Variants in RGP1 observed in about 807,000 individuals in gnomAD.
RGP1 encodes RGP1 partner of RAB6A GEF complex, also known as RAB6A-GEF complex partner protein 2.
A neutral mutation model predicts 44.5 loss-of-function variants in RGP1; 28 were observed. The observed-to-expected ratio is 0.63, with a 90% CI of 0.47 to 0.86. The LOEUF (loss-of-function observed/expected upper bound fraction) is 0.86. Ranked by LOEUF, RGP1 falls within the 40% of genes least tolerant of loss-of-function variation. The pLI is 0.00. For synonymous variants in RGP1, 212 were observed against 196.7 expected, an observed-to-expected ratio of 1.08 and a Z score of -0.65; for missense variants, 417 against 490.7, an observed-to-expected ratio of 0.85 and a Z score of 1.42.
the RGP1 span, among the ~76,000 whole-genome samples, chr9:35,767,889 G>A: frequency 2.6e-5 from 4 of 151,938 alleles, no homozygotes; most frequent in African/African-American, 9.7e-5. Context: ...TGCAGCCTCC[G>A]CCTCCCAGGT....
Position 35,749,747 on chromosome 9 carries a change from G to A in RGP1, c.-9G>A, listed in dbSNP as rs781283087. ...CTTGTTTCCTTCTAGATCTGATTCC[G>A]GAGCTGCCATGATTGAAGTGGTAGC... On this transcript the variant is annotated 5_prime_UTR_variant, in exon 2 of 9. Coordinates refer to ENST00000378078, the MANE Select transcript of RGP1 (RefSeq NM_001080496.3). The surrounding 1 kb of genome is among the most constrained non-coding windows in gnomAD (Gnocchi z 4.4). 3 of 1,598,150 alleles carry A rather than the reference G, an allele frequency of 1.9e-6. No individual in the cohort carries two copies. Among genetic ancestry groups the A allele is most frequent in the Admixed American group, 3.4e-5 (2 of 59,630 alleles).
intron 6 of RGP1, 51 bp from the exon 7 acceptor site, chr9:35,751,576 G>T: frequency 6.2e-7 from 1 of 1,612,784 alleles, no homozygotes; most frequent in Non-Finnish European, 8.5e-7. Context: ...CCCAGTCCTA[G>T]ACGTTATCCA....
At chr9:35,763,355 G>A (rs1489957564), downstream of RGP1, among the ~76,000 whole-genome samples, 1 of 152,086 alleles carries the variant, frequency 6.6e-6, no homozygotes, top group African/African-American at 2.4e-5. Flanking sequence ...AGTAATTAAT[G>A]GGCTATATAA....
chr9:35,778,323 A>T, the RGP1 span, among the ~76,000 whole-genome samples: 16 of 152,098 alleles, frequency 1.1e-4, 1 homozygote, highest in Non-Finnish European at 1.0e-4. Context: ...ATACAAAATG[A>T]TAGATAATGA....
chr9:35,771,037 T>C, the RGP1 span, among the ~76,000 whole-genome samples: 2 of 152,212 alleles, frequency 1.3e-5, no homozygotes, highest in African/African-American at 2.4e-5. Flanking sequence ...TTGTTGCCCT[T>C]TTATCATTTC....
At chr9:35,771,107 C>G in the RGP1 span, among the ~76,000 whole-genome samples, 1 of 152,142 alleles carries the variant, frequency 6.6e-6, no homozygotes, top group Non-Finnish European at 1.5e-5. Context: ...CTCTGATTCT[C>G]TAGCCCAGTT....
chr9:35,752,952 C>T lies in RGP1; in HGVS notation c.*78C>T. 6.5e-7 allele frequency: 1 copy of T among 1,540,086 alleles called. No homozygotes were observed. Among genetic ancestry groups the T allele is most frequent in the Non-Finnish European group, 8.9e-7 (1 of 1,128,394 alleles). On this transcript the variant is annotated 3_prime_UTR_variant, in exon 9 of 9. Coordinates refer to ENST00000378078, the MANE Select transcript of RGP1 (RefSeq NM_001080496.3). ...GGACTCTAATGGGACCCACTTTTTC[C>T]ACCTGGGGTCCAATGTCGTGGACAG...
chr9:35,772,668 G>C, the RGP1 span, among the ~76,000 whole-genome samples: 1 of 151,996 alleles, frequency 6.6e-6, no homozygotes, highest in African/African-American at 2.4e-5. Flanking sequence ...GCGGGCGCCT[G>C]TAGTTCCAGC....
chr9:35,781,039 C>T, the RGP1 span, among the ~76,000 whole-genome samples: 1 of 152,048 alleles, frequency 6.6e-6, no homozygotes, highest in African/African-American at 2.4e-5. Flanking sequence ...TCATGGAATA[C>T]ACAATCTAAT....
the RGP1 span, among the ~76,000 whole-genome samples, chr9:35,772,707 C>T: frequency 4.7e-5 from 7 of 150,314 alleles, no homozygotes; most frequent in African/African-American, 1.5e-4. Context: ...AGGAGAATGG[C>T]GTGAACCTGG....
chr9:35,750,940 C>T lies in RGP1; in HGVS notation c.438C>T (p.Asn146=), dbSNP rs1337601962. The T allele has an allele frequency of 6.2e-7, 1 of 1,614,032 alleles. No individual in the cohort carries two copies. Among genetic ancestry groups the T allele is most frequent in the South Asian group, 1.1e-5 (1 of 91,086 alleles). ...TGACCATTGGCTGCCAGCGTGTCAA[C>T]TCCCCTATCACTTTACTCAGAGTCC... ...YKLTIGCQRV[N]SPITLLRVPL... is the part of the protein sequence containing the mutation. Residue 146 remains asparagine (N), a synonymous_variant, in exon 5 of 9, where the codon AAC becomes AAT. Transcript: ENST00000378078.
At chr9:35,781,412 G>A in the RGP1 span, among the ~76,000 whole-genome samples, 1 of 125,912 alleles carries the variant, frequency 7.9e-6, no homozygotes, top group Admixed American at 8.2e-5. Flanking sequence ...GGGGGGAGGG[G>A]GTGGGGGGGC....
At chr9:35,774,683 C>T in the RGP1 span, among the ~76,000 whole-genome samples, 2 of 151,956 alleles carry the variant, frequency 1.3e-5, no homozygotes, top group Non-Finnish European at 2.9e-5. Context: ...GAGATTGTGC[C>T]GCTGCATTCC....
chr9:35,783,558 T>C, the RGP1 span, among the ~76,000 whole-genome samples: 8 of 152,138 alleles, frequency 5.3e-5, no homozygotes, highest in African/African-American at 1.9e-4. Context: ...AGATTCCACA[T>C]ATGAGTGAGA....
the RGP1 span, among the ~76,000 whole-genome samples, chr9:35,764,613 A>T: frequency 6.6e-6 from 1 of 152,122 alleles, no homozygotes; most frequent in Non-Finnish European, 1.5e-5. Context: ...CCCAGTCAAG[A>T]TGTAGAACAT....
In RGP1 at chr9:35,753,997, T is replaced by G. The variant is rs746066314; in HGVS notation, c.*1123T>G. The stretch of plus-strand genomic sequence containing the variant: ...CCATTCCTAACGCTTCACCCCACTT[T>G]ACCTTGAGCTTGGAAGTAGCACTTG... On this transcript the variant is annotated 3_prime_UTR_variant, in exon 9 of 9. Transcript: ENST00000378078. This position sits in a 1 kb window ranked among gnomAD's most constrained non-coding sequence, Gnocchi z 4.2. 1.1e-5 allele frequency: 17 copies of G among 1,612,002 alleles called. No individual in the cohort carries two copies. Among genetic ancestry groups the G allele is most frequent in the East Asian group, 2.2e-5 (1 of 44,842 alleles).
At chr9:35,750,137 G>T (rs1827213254) in intron 2 of RGP1, 106 bp from the exon 3 acceptor site, 1 of 1,450,760 alleles carries the variant, frequency 6.9e-7, no homozygotes, top group South Asian at 1.4e-5. Context: ...CTGATCACTA[G>T]GACAGCCATC....
chr9:35,751,478 G>A (rs1827263850), intron 6 of RGP1, 66 bp downstream of exon 6: 1 of 1,606,228 alleles, frequency 6.2e-7, no homozygotes, highest in East Asian at 2.2e-5. Flanking sequence ...CTCAGAGACA[G>A]TCTCCTAACC....
chr9:35,778,028 G>A, the RGP1 span, among the ~76,000 whole-genome samples: 1 of 152,162 alleles, frequency 6.6e-6, no homozygotes, highest in African/African-American at 2.4e-5. Flanking sequence ...GGCCAGGCGC[G>A]GTGGCTCATG....
Sources: allele counts gnomAD v4.1 joint callset (sites outside exome capture counted in the v4.1 genomes callset), GRCh38; gene constraint gnomAD v4.1.1; non-coding constraint Gnocchi (gnomAD v3.1); transcripts MANE v1.5; gene names NCBI Gene and HGNC (gene_info 2026-07-23, HGNC 2026-07-21).